FNDC3A: variants seen among roughly 807,000 people sequenced by gnomAD.
FNDC3A encodes fibronectin type III domain containing 3A, also known as fibronectin type-III domain-containing protein 3A.
FNDC3A carries 32 observed loss-of-function variants against 148.9 expected under a neutral mutation model. The observed-to-expected ratio is 0.21, with a 90% CI of 0.16 to 0.29. The LOEUF is 0.29. FNDC3A is among the 10% of genes least tolerant of loss of function. The probability of loss-of-function intolerance (pLI) is 1.00; values close to 1 mark genes in which losing one functional copy is unlikely to be tolerated. For missense variants in FNDC3A, 1,191 were observed against 1,452.8 expected (o/e 0.82, Z 2.93); for synonymous variants, 472 against 473.6 (o/e 1.00, Z 0.04).
intron 2 of FNDC3A, among the ~76,000 whole-genome samples, chr13:49,062,462 C>A (rs1876963922): frequency 6.6e-6 from 1 of 152,166 alleles, no homozygotes; most frequent in East Asian, 1.9e-4. Flanking sequence ...CCAGTCTTAT[C>A]TTTTTCCATC....
At chr13:49,141,919 A>G (rs575984727) in intron 7 of FNDC3A, among the ~76,000 whole-genome samples, 2 of 152,280 alleles carry the variant, frequency 1.3e-5, no homozygotes, top group Admixed American at 1.3e-4. Flanking sequence ...GTAGTAGGAA[A>G]ATAACTGAAT....
At position 49,186,076 on chromosome 13, in the gene FNDC3A, A is replaced by G; in HGVS notation, c.1730A>G (p.His577Arg). The change falls in exon 15 of 26, where the codon CAT (histidine) becomes CGT (arginine). Residue 577 changes from histidine to arginine, a missense_variant. Transcript: ENST00000492622. ...AAGCCTTCAGTGAAAGGAAAGATAC[A>G]TTCACACAGTTTTAAAATAACCTGG... ...PVKPSVKGKI[H>R]SHSFKITWDP... The G allele has an allele frequency of 7.4e-6, 12 of 1,612,610 alleles. No homozygotes were observed. Among genetic ancestry groups the G allele is most frequent in the Non-Finnish European group, 1.0e-5 (12 of 1,178,834 alleles).
intron 2 of FNDC3A, among the ~76,000 whole-genome samples, chr13:49,038,519 A>G (rs1354135475): frequency 6.6e-6 from 1 of 152,208 alleles, no homozygotes; most frequent in East Asian, 1.9e-4. Flanking sequence ...GAGGAAAACA[A>G]TCTTGCCAAC....
At chr13:49,113,760 T>G (rs1245487414) in intron 3 of FNDC3A, among the ~76,000 whole-genome samples, 1 of 152,158 alleles carries the variant, frequency 6.6e-6, no homozygotes, top group African/African-American at 2.4e-5. Context: ...CACTGCAGTG[T>G]AAAGTTACAG....
At chr13:49,019,108 C>T (rs112417085) in intron 2 of FNDC3A, among the ~76,000 whole-genome samples, 6,264 of 152,348 alleles carry the variant, frequency 0.041, 435 homozygotes, top group African/African-American at 0.14. Context: ...GGCAGGCCTC[C>T]TGGAGCTGTG....
At chr13:49,073,401 A>G (rs1046559419) in intron 2 of FNDC3A, among the ~76,000 whole-genome samples, 3 of 151,998 alleles carry the variant, frequency 2.0e-5, no homozygotes, top group Non-Finnish European at 4.4e-5. Flanking sequence ...AATTAAAACA[A>G]TAGTACAGGT....
At position 49,149,618 on chromosome 13, in the gene FNDC3A, G is replaced by A. The variant is rs1046196710; in HGVS notation, c.977+3683G>A. On this transcript the variant is annotated intron_variant, in intron 8 of 25. Coordinates refer to ENST00000492622, the MANE Select transcript of FNDC3A (RefSeq NM_001079673.2). Reference sequence around the variant, plus strand: ...TTGCCAGTGTTTTGATGAGGATTTCGTGTCCGTGTTTATCAAGGATTAGTC... The same window carrying A: ...TTGCCAGTGTTTTGATGAGGATTTCATGTCCGTGTTTATCAAGGATTAGTC... Among the ~76,000 whole-genome samples, 7 of 152,016 alleles carry A rather than the reference G, an allele frequency of 4.6e-5. No individual in the cohort carries two copies. The East Asian group carries it at 5.8e-4, about 13-fold the overall frequency.
chr13:49,202,809 A>G (rs1176158067), intron 24 of FNDC3A, among the ~76,000 whole-genome samples: 2 of 152,148 alleles, frequency 1.3e-5, no homozygotes, highest in African/African-American at 4.8e-5. Flanking sequence ...ATTGAGACCA[A>G]CGTGGGCAAC....
intron 2 of FNDC3A, among the ~76,000 whole-genome samples, chr13:49,035,956 G>A (rs1874460869): frequency 6.6e-6 from 1 of 151,952 alleles, no homozygotes; most frequent in Non-Finnish European, 1.5e-5. Context: ...TTTGACTTCA[G>A]CTGAAATGTT....
chr13:49,143,024 C>T (rs1343522854), intron 7 of FNDC3A, among the ~76,000 whole-genome samples: 3 of 152,028 alleles, frequency 2.0e-5, no homozygotes, highest in South Asian at 4.1e-4. Flanking sequence ...TACACCACCA[C>T]GTCCAGATAA....
chr13:49,133,799 C>G (rs1882173731), intron 5 of FNDC3A, among the ~76,000 whole-genome samples: 1 of 152,150 alleles, frequency 6.6e-6, no homozygotes, highest in Non-Finnish European at 1.5e-5. Context: ...GGCCACACTG[C>G]TAGTTAATTG....
chr13:49,141,102 G>A (rs1882667336), intron 7 of FNDC3A, among the ~76,000 whole-genome samples: 1 of 152,206 alleles, frequency 6.6e-6, no homozygotes. Flanking sequence ...ACATGCACAA[G>A]TCTCATAGTC....
chr13:49,129,904 TA>T (rs1881927411), intron 4 of FNDC3A, among the ~76,000 whole-genome samples: 4 of 152,180 alleles, frequency 2.6e-5, no homozygotes, highest in African/African-American at 9.7e-5. Context: ...CATATATTTA[TA>T]AAATAATTTG....
chr13:49,135,684 ACT>A (rs557117096), intron 5 of FNDC3A, among the ~76,000 whole-genome samples: 2 of 152,088 alleles, frequency 1.3e-5, no homozygotes, highest in South Asian at 4.1e-4. Context: ...AATTTAAAAA[ACT>A]CTGGGGACAA....
chr13:49,172,695 C>T (rs1884823562), intron 11 of FNDC3A, among the ~76,000 whole-genome samples: 3 of 152,146 alleles, frequency 2.0e-5, no homozygotes, highest in Admixed American at 1.3e-4. Context: ...CATGTAGGGT[C>T]TATTCAGATA....
intron 1 of FNDC3A, among the ~76,000 whole-genome samples, chr13:49,004,171 A>C (rs548449148): frequency 6.6e-6 from 1 of 152,160 alleles, no homozygotes; most frequent in African/African-American, 2.4e-5. Flanking sequence ...AGAAGATAAG[A>C]CTAGAATGTA....
chr13:48,985,408 T>C (rs566752272), intron 1 of FNDC3A, among the ~76,000 whole-genome samples: 1 of 152,322 alleles, frequency 6.6e-6, no homozygotes, highest in African/African-American at 2.4e-5. Context: ...GTCTGTAATA[T>C]AGAAATGCTA....
intron 4 of FNDC3A, among the ~76,000 whole-genome samples, chr13:49,124,041 T>C (rs1317305856): frequency 6.6e-6 from 1 of 152,082 alleles, no homozygotes; most frequent in Non-Finnish European, 1.5e-5. Flanking sequence ...ACCATGCACA[T>C]GTATGTTTAT....
chr13:49,141,467 T>G (rs1882685986), intron 7 of FNDC3A, among the ~76,000 whole-genome samples: 1 of 152,220 alleles, frequency 6.6e-6, no homozygotes, highest in Non-Finnish European at 1.5e-5. Flanking sequence ...CCAAGTTTCC[T>G]TAGGCTCAGC....
Sources: allele counts gnomAD v4.1 joint callset (sites outside exome capture counted in the v4.1 genomes callset), GRCh38; gene constraint gnomAD v4.1.1; transcripts MANE v1.5; gene names NCBI Gene and HGNC (gene_info 2026-07-23, HGNC 2026-07-21).